Variants in ATRNL1 observed in about 807,000 individuals in gnomAD.
The protein encoded by ATRNL1 is attractin like 1.
A neutral mutation model predicts 182.7 loss-of-function variants in ATRNL1; 95 were observed. That is an observed-to-expected ratio of 0.52 (90% CI 0.44 to 0.62). The LOEUF (loss-of-function observed/expected upper bound fraction) is 0.62, where lower values mean the gene tolerates loss of function less well. Among genes scored for constraint, ATRNL1 ranks in the 20% least tolerant of loss-of-function variants. The pLI is 0.00. For missense variants in ATRNL1, 1,471 were observed against 1,679.5 expected, an observed-to-expected ratio of 0.88 and a Z score of 2.17; for synonymous variants, 576 against 568.3, an observed-to-expected ratio of 1.01 and a Z score of -0.19.
Position 115,557,946 on chromosome 10 carries a change from G to C in ATRNL1, c.3795+8410G>C, listed in dbSNP as rs544077373. ...TGTAGTCCCAAGTACTTGGGAGGCT[G>C]AGGCAGGAGAATTGCTTGAACCCAG... is the stretch of plus-strand genomic sequence containing the variant. On this transcript the variant is annotated intron_variant, in intron 26 of 28. Coordinates refer to ENST00000355044, the MANE Select transcript of ATRNL1 (RefSeq NM_207303.4). Among the ~76,000 whole-genome samples, 5 of 152,078 alleles carry C rather than the reference G, an allele frequency of 3.3e-5. No homozygotes were observed. In the South Asian group the frequency reaches 8.3e-4, roughly 25 times the overall value.
chr10:115,220,390 G>C (rs1715016685), intron 9 of ATRNL1: 1 of 152,142 alleles, frequency 6.6e-6, no homozygotes, highest in Non-Finnish European at 1.5e-5. Context: ...TGGTCTCCTT[G>C]TGGTGAAGCA....
chr10:115,273,450 C>T (rs868988179), intron 13 of ATRNL1, among the ~76,000 whole-genome samples: 1 of 152,040 alleles, frequency 6.6e-6, no homozygotes, highest in Non-Finnish European at 1.5e-5. Context: ...CACCAATTTT[C>T]CATTCATGTT....
intron 26 of ATRNL1, among the ~76,000 whole-genome samples, chr10:115,666,415 T>G (rs1555039694): frequency 6.6e-6 from 1 of 152,184 alleles, no homozygotes; most frequent in East Asian, 1.9e-4. Flanking sequence ...TACCGTAGTT[T>G]ATTGAGAGTT....
intron 8 of ATRNL1, among the ~76,000 whole-genome samples, chr10:115,209,731 G>C (rs188647140): frequency 4.6e-5 from 7 of 151,962 alleles, no homozygotes; most frequent in Admixed American, 3.9e-4. Flanking sequence ...TATGTTTTCT[G>C]AGGTGATCTA....
At chr10:115,100,644 T>A (rs1413277267) in intron 1 of ATRNL1, among the ~76,000 whole-genome samples, 1 of 152,190 alleles carries the variant, frequency 6.6e-6, no homozygotes, top group Non-Finnish European at 1.5e-5. Context: ...ATGTCTTGAT[T>A]ATTGTTTCTT....
chr10:115,897,426 T>C (rs1316757560), intron 28 of ATRNL1, among the ~76,000 whole-genome samples: 1 of 152,184 alleles, frequency 6.6e-6, no homozygotes, highest in Non-Finnish European at 1.5e-5. Flanking sequence ...TATTCAAGGG[T>C]ATTGATTTCA....
At chr10:115,893,505 A>G (rs1952131043) in intron 28 of ATRNL1, among the ~76,000 whole-genome samples, 1 of 152,228 alleles carries the variant, frequency 6.6e-6, no homozygotes, top group African/African-American at 2.4e-5. Context: ...TTGGGCGAAT[A>G]AAGTTATATG....
intron 28 of ATRNL1, among the ~76,000 whole-genome samples, chr10:115,929,629 C>T (rs1589708743): frequency 6.6e-6 from 1 of 152,010 alleles, no homozygotes; most frequent in African/African-American, 2.4e-5. Flanking sequence ...AATAACTTCA[C>T]GGAGGACCAT....
intron 26 of ATRNL1, among the ~76,000 whole-genome samples, chr10:115,701,621 C>T (rs1420612550): frequency 7.2e-5 from 11 of 151,944 alleles, no homozygotes; most frequent in African/African-American, 1.7e-4. Context: ...GATGATATTA[C>T]AGCCAATCCT....
chr10:115,324,586 A>T (rs1854771653), intron 18 of ATRNL1, among the ~76,000 whole-genome samples: 1 of 152,174 alleles, frequency 6.6e-6, no homozygotes, highest in African/African-American at 2.4e-5. Context: ...TGAATTTAAG[A>T]TTGCCATATA....
chr10:115,185,392 A>G (rs1448557570), intron 8 of ATRNL1, among the ~76,000 whole-genome samples: 1 of 152,098 alleles, frequency 6.6e-6, no homozygotes, highest in Non-Finnish European at 1.5e-5. Flanking sequence ...GCACTCAAGA[A>G]AACGATGGGT....
intron 26 of ATRNL1, among the ~76,000 whole-genome samples, chr10:115,683,440 AC>A (rs1165301219): frequency 1.3e-5 from 2 of 151,672 alleles, no homozygotes; most frequent in African/African-American, 4.8e-5. Context: ...TACCTTCTAT[AC>A]CTAGAGAGTT....
intron 27 of ATRNL1, among the ~76,000 whole-genome samples, chr10:115,811,629 G>A (rs1950048872): frequency 6.6e-6 from 1 of 151,810 alleles, no homozygotes; most frequent in African/African-American, 2.4e-5. Flanking sequence ...CATGTATTTT[G>A]AAGCTCTGTT....
chr10:115,249,064 T>G (rs1850763389), intron 10 of ATRNL1, among the ~76,000 whole-genome samples: 1 of 152,074 alleles, frequency 6.6e-6, no homozygotes, highest in Admixed American at 6.6e-5. Flanking sequence ...TCACTGCAAC[T>G]TCTGCCTCCC....
intron 24 of ATRNL1, among the ~76,000 whole-genome samples, chr10:115,476,478 A>G (rs1554973136): frequency 6.6e-6 from 1 of 151,198 alleles, no homozygotes; most frequent in Admixed American, 6.6e-5. Flanking sequence ...ATTACTGAGA[A>G]TATTTTGGAA....
At chr10:115,366,704 G>T (rs1390349017) in intron 19 of ATRNL1, among the ~76,000 whole-genome samples, 4 of 151,522 alleles carry the variant, frequency 2.6e-5, no homozygotes, top group African/African-American at 9.7e-5. Flanking sequence ...GCTCTTTTAG[G>T]GCAGGCCTGG....
At chr10:115,645,038 C>T (rs1399285949) in intron 26 of ATRNL1, among the ~76,000 whole-genome samples, 3 of 151,976 alleles carry the variant, frequency 2.0e-5, no homozygotes, top group Non-Finnish European at 4.4e-5. Context: ...CATATACAGT[C>T]AGAGATGTTA....
intron 28 of ATRNL1, among the ~76,000 whole-genome samples, chr10:115,851,077 A>T (rs182491974): frequency 6.6e-6 from 1 of 152,182 alleles, no homozygotes; most frequent in East Asian, 1.9e-4. Flanking sequence ...GCATAATCTC[A>T]AATTTTTTTG....
chr10:115,465,057 A>G (rs1847989106), intron 22 of ATRNL1, among the ~76,000 whole-genome samples: 1 of 151,794 alleles, frequency 6.6e-6, no homozygotes. Context: ...GGAAGTAATT[A>G]CATCCCCATT....
Sources: gnomAD v4.1 joint callset for allele counts (sites outside exome capture counted in the v4.1 genomes callset) on GRCh38, gnomAD v4.1.1 for gene constraint, MANE v1.5 for transcripts, NCBI Gene and HGNC (gene_info 2026-07-23, HGNC 2026-07-21) for gene names.